Variants in NOM1 observed in about 807,000 individuals in gnomAD.
The protein encoded by NOM1 is nucleolar protein with MIF4G domain 1.
Under a neutral mutation model 73.3 loss-of-function variants are expected in NOM1, and 58 were observed. The ratio of observed to expected loss-of-function variants is 0.79; its 90% confidence interval spans 0.64 to 0.99. The LOEUF is 0.99. Ranked by LOEUF, NOM1 falls within the 50% of genes least tolerant of loss-of-function variation. NOM1 has a pLI of 0.00. For missense variants in NOM1, 1,226 were observed against 1,131.9 expected (o/e 1.08, Z -1.19); for synonymous variants, 487 against 446.8 (o/e 1.09, Z -1.14).
chr7:156,955,840 C>CT (rs1804707198), intron 3 of NOM1, among the ~76,000 whole-genome samples: 1 of 152,186 alleles, frequency 6.6e-6, no homozygotes, highest in African/African-American at 2.4e-5. Flanking sequence ...CAATTATAAT[C>CT]TTAACAGTTA....
At position 156,949,982 on chromosome 7, in the gene NOM1, G is replaced by T; in HGVS notation, c.245G>T (p.Arg82Leu). The change falls in exon 1 of 11, where the codon CGT becomes CTT. Residue 82 changes from arginine to leucine, a missense_variant. Physicochemically the swap from Arg to Leu is moderately radical, Grantham distance 102 (BLOSUM62 -2). Transcript: ENST00000275820. ...VSFRPGGRKSRKELRKEKRHL... is the reference protein window; with the variant it reads ...VSFRPGGRKSLKELRKEKRHL... ...TTTCGCCCGGGAGGGAGAAAAAGCC[G>T]TAAGGAACTGAGGAAGGAGAAGCGG... is the stretch of plus-strand genomic sequence containing the variant. 3 of 1,540,596 alleles carry T rather than the reference G, an allele frequency of 1.9e-6. No individual in the cohort carries two copies. Among genetic ancestry groups the T allele is most frequent in the Non-Finnish European group, 1.7e-6 (2 of 1,146,750 alleles).
Position 156,950,131 on chromosome 7 carries a change from C to G in NOM1, c.394C>G (p.Pro132Ala), listed in dbSNP as rs1804542233. 6.4e-7 allele frequency: 1 copy of G among 1,566,868 alleles called. No homozygotes were observed. Among genetic ancestry groups the G allele is most frequent in the African/African-American group, 1.4e-5 (1 of 73,668 alleles). The change falls in exon 1 of 11, where the codon CCA becomes GCA. Residue 132 changes from proline to alanine, a missense_variant. Physicochemically the swap from Pro to Ala is conservative, Grantham distance 27 (BLOSUM62 -1). Transcript: ENST00000275820. The stretch of plus-strand genomic sequence containing the variant: ...GCAGGACACGGAGGAGCGCGCCCGC[C>G]CAGCCCCTAGTCGGGACCCCTCGCC... The part of the protein sequence containing the change: ...HRQDTEERAR[P>A]APSRDPSPPR...
chr7:156,950,445 T>TGAG lies in NOM1; in HGVS notation c.717_719dup (p.Glu240dup). On this transcript the variant is annotated inframe_insertion, in exon 1 of 11. Transcript: ENST00000275820. The stretch of plus-strand genomic sequence containing the variant: ...ATAGCGGCTTGTACGACAGCAGTGG[T>TGAG]GAGGAGGAGGAAGATGCCGGACAGA... 1.9e-6 allele frequency: 3 copies of TGAG among 1,612,616 alleles called. No homozygotes were observed. Among genetic ancestry groups the TGAG allele is most frequent in the Non-Finnish European group, 2.5e-6 (3 of 1,179,626 alleles).
intron 7 of NOM1, among the ~76,000 whole-genome samples, chr7:156,965,999 C>T (rs78710976): frequency 0.024 from 3,643 of 152,282 alleles, 132 homozygotes; most frequent in African/African-American, 0.084. Context: ...TATTGTCAGC[C>T]GGGCACAGCT....
Position 156,972,026 on chromosome 7 carries a change from T to G in NOM1, c.*2323T>G, listed in dbSNP as rs999415531. On this transcript the variant is annotated 3_prime_UTR_variant, in exon 11 of 11. Coordinates refer to ENST00000275820, the MANE Select transcript of NOM1 (RefSeq NM_138400.2). ...TTGGGATGTAACAGATCAGTTCTAC[T>G]GGACTTGTAGCTTGATAGTGAAATA... is the stretch of plus-strand genomic sequence containing the variant. 2 of 152,260 alleles carry G rather than the reference T, an allele frequency of 1.3e-5. No homozygotes were observed. Among genetic ancestry groups the G allele is most frequent in the Admixed American group, 1.3e-4 (2 of 15,290 alleles). 9.4% of individuals were successfully genotyped at this position (152,260 alleles called of 1,614,324 possible). A position where few individuals can be genotyped will look rare whatever the true frequency, so the allele number is the denominator to read the frequency against.
In NOM1 at chr7:156,949,966, G is replaced by T; in HGVS notation, c.229G>T (p.Gly77Ter). The T allele has an allele frequency of 6.5e-7, 1 of 1,541,024 alleles. No homozygotes were observed. The highest frequency in any genetic ancestry group is 1.4e-5 in the African/African-American group (1 of 73,164). The change falls in exon 1 of 11, where the codon GGA (glycine) becomes TGA (stop). Residue 77 changes from glycine (G) to a stop codon, truncating the protein, a stop_gained. Transcript: ENST00000275820. LOFTEE classifies it high-confidence loss of function. ...CGGCGCCCCGGTGAGCTTTCGCCCG[G>T]GAGGGAGAAAAAGCCGTAAGGAACT... ...GRGAPVSFRP[G>*]GRKSRKELRK...
intron 7 of NOM1, among the ~76,000 whole-genome samples, chr7:156,965,678 G>A (rs1260649901): frequency 6.6e-6 from 1 of 152,200 alleles, no homozygotes; most frequent in East Asian, 1.9e-4. Flanking sequence ...CACTTTGGGA[G>A]GCCAAGGTGG....
chr7:156,951,940 T>G (rs1345241669), intron 1 of NOM1, among the ~76,000 whole-genome samples: 3 of 152,124 alleles, frequency 2.0e-5, no homozygotes, highest in Non-Finnish European at 4.4e-5. Flanking sequence ...TCTCCTGACC[T>G]CGTGATCCGC....
At position 156,963,911 on chromosome 7, in the gene NOM1, T is replaced by G. The variant is rs113198844; in HGVS notation, c.1918T>G (p.Ser640Ala). The G allele has an allele frequency of 6.2e-7, 1 of 1,613,802 alleles. No homozygotes were observed. The highest frequency in any genetic ancestry group is 8.5e-7 in the Non-Finnish European group (1 of 1,179,838). The change falls in exon 7 of 11, where the codon TCA becomes GCA. Residue 640 changes from serine to alanine, a missense_variant. Physicochemically the swap from Ser to Ala is moderately conservative, Grantham distance 99. Transcript: ENST00000275820. ...LQKQLVGTVS[S>A]KILELARKQR... ...CCATTCATCGTGCTTCCAGGTCAGTTCAAAGATCCTAGAACTCGCCCGGAA... is the reference window on the plus strand; with the variant it reads ...CCATTCATCGTGCTTCCAGGTCAGTGCAAAGATCCTAGAACTCGCCCGGAA...
intron 5 of NOM1, 130 bp from the exon 6 acceptor site, chr7:156,962,878 A>G (rs1410812538): frequency 3.0e-6 from 3 of 1,011,722 alleles, no homozygotes; most frequent in Non-Finnish European, 2.8e-6. Flanking sequence ...TAACCGTCCC[A>G]ATTGCCAGTG....
At chr7:156,955,379 G>C (rs187415100) in intron 3 of NOM1, among the ~76,000 whole-genome samples, 1 of 152,342 alleles carries the variant, frequency 6.6e-6, no homozygotes, top group East Asian at 1.9e-4. Context: ...ATTGTTGTGA[G>C]GTTGGTGAAC....
At chr7:156,960,252 G>A in intron 4 of NOM1, 78 bp downstream of exon 4, 1 of 1,175,276 alleles carries the variant, frequency 8.5e-7, no homozygotes, top group South Asian at 1.4e-5. Context: ...TCAGTATCTG[G>A]GGTAAATATT....
chr7:156,962,115 A>G, intron 4 of NOM1, 36 bp from the exon 5 acceptor site: 1 of 1,576,276 alleles, frequency 6.3e-7, no homozygotes. Context: ...GACTGTTTGA[A>G]ATGATGGACT....
At chr7:156,966,929 T>C (rs1035870544) in intron 8 of NOM1, 32 bp from the exon 9 acceptor site, 2 of 1,586,754 alleles carry the variant, frequency 1.3e-6, no homozygotes, top group Non-Finnish European at 1.7e-6. Flanking sequence ...TGTGGCCGTT[T>C]GCCTTTTTTC....
Position 156,960,012 on chromosome 7 carries a change from G to T in NOM1, c.1470G>T (p.Leu490=). 1 of 1,614,114 alleles carries T rather than the reference G, an allele frequency of 6.2e-7. No individual in the cohort carries two copies. The highest frequency in any genetic ancestry group is 8.5e-7 in the Non-Finnish European group (1 of 1,180,032). Reference sequence around the variant, plus strand: ...TCATCTTCGACATTTTGAAAAAACTGATTGGAACTTTCACCGAAAAAGATA... The same window carrying T: ...TCATCTTCGACATTTTGAAAAAACTTATTGGAACTTTCACCGAAAAAGATA... The part of the protein sequence containing the change: ...SLLIFDILKK[L]IGTFTEKDIE... The change falls in exon 4 of 11, where the codon CTG becomes CTT. Residue 490 remains leucine, a synonymous_variant. Transcript: ENST00000275820.
At chr7:156,963,633 T>C in intron 6 of NOM1, 1 of 389,194 alleles carries the variant, frequency 2.6e-6, no homozygotes, top group South Asian at 3.7e-5. Flanking sequence ...GCTCTGCCAG[T>C]GACTGGTTCT....
chr7:156,958,183 C>T (rs1265609222), intron 3 of NOM1, among the ~76,000 whole-genome samples: 1 of 152,212 alleles, frequency 6.6e-6, no homozygotes, highest in Non-Finnish European at 1.5e-5. Flanking sequence ...TTTTCACTGA[C>T]ACCCTTAGAT....
chr7:156,957,774 CA>C (rs10549596), intron 3 of NOM1, among the ~76,000 whole-genome samples: 2,553 of 114,562 alleles, frequency 0.022, 21 homozygotes, highest in East Asian at 0.08. Context: ...GACTCCGTCT[CA>C]AAAAAAAAAA....
rs781426741 is a variant in NOM1, at chr7:156,960,010, CTGAT to C, written c.1471_1474del (p.Ile491GlufsTer10). 6 of 1,614,040 alleles carry C rather than the reference CTGAT, an allele frequency of 3.7e-6. No homozygotes were observed. The Admixed American group carries it at 6.7e-5, about 18-fold the overall frequency. ...CCTCATCTTCGACATTTTGAAAAAA[CTGAT>C]TGGAACTTTCACCGAAAAAGATATT... On this transcript the variant is annotated frameshift_variant, in exon 4 of 11. Coordinates refer to ENST00000275820, the MANE Select transcript of NOM1 (RefSeq NM_138400.2). LOFTEE classifies it high-confidence loss of function.
Sources: allele counts gnomAD v4.1 joint callset (sites outside exome capture counted in the v4.1 genomes callset), GRCh38; gene constraint gnomAD v4.1.1; transcripts MANE v1.5; gene names NCBI Gene and HGNC (gene_info 2026-07-23, HGNC 2026-07-21).